ROBO1: variants seen among roughly 807,000 people sequenced by gnomAD.
ROBO1 encodes roundabout homolog 1.
A neutral mutation model predicts 195.9 loss-of-function variants in ROBO1; 149 were observed. The observed-to-expected ratio is 0.76, with a 90% CI of 0.67 to 0.87. The LOEUF is 0.87. Among genes scored for constraint, ROBO1 ranks in the 40% least tolerant of loss-of-function variants. ROBO1 has a pLI of 0.00. For synonymous variants in ROBO1, 816 were observed against 733.2 expected (o/e 1.11, Z -1.82); for missense variants, 1,933 against 2,068.3 (o/e 0.93, Z 1.27).
intron 2 of ROBO1, among the ~76,000 whole-genome samples, chr3:79,482,264 T>C (rs192025037): frequency 6.6e-6 from 1 of 152,272 alleles, no homozygotes; most frequent in East Asian, 1.9e-4. Flanking sequence ...ACTTAATATT[T>C]GTTTGGGAAT....
At chr3:79,597,787 T>C (rs1186818421) in intron 1 of ROBO1, among the ~76,000 whole-genome samples, 1 of 152,012 alleles carries the variant, frequency 6.6e-6, no homozygotes, top group Non-Finnish European at 1.5e-5. Context: ...GAGAATAAAA[T>C]ATATGAATAG....
At chr3:79,698,435 T>C (rs1947511165) in intron 1 of ROBO1, among the ~76,000 whole-genome samples, 1 of 151,436 alleles carries the variant, frequency 6.6e-6, no homozygotes, top group Admixed American at 6.6e-5. Flanking sequence ...GTAGACAGAT[T>C]CACCTCTTTT....
intron 2 of ROBO1, among the ~76,000 whole-genome samples, chr3:79,385,753 G>A (rs1405764880): frequency 1.3e-5 from 2 of 152,062 alleles, no homozygotes; most frequent in Non-Finnish European, 2.9e-5. Flanking sequence ...ACTCTCAGGG[G>A]AAAGAAAGTA....
At chr3:79,000,728 C>G (rs1431592558) in intron 3 of ROBO1, among the ~76,000 whole-genome samples, 1 of 152,136 alleles carries the variant, frequency 6.6e-6, no homozygotes, top group African/African-American at 2.4e-5. Flanking sequence ...CCTCAAGGAT[C>G]TAGAACCAGA....
chr3:79,133,845 T>G (rs2080341913), intron 2 of ROBO1, among the ~76,000 whole-genome samples: 2 of 148,244 alleles, frequency 1.3e-5, no homozygotes, highest in Admixed American at 1.4e-4. Context: ...ATGATGGTGA[T>G]GTACAGATGG....
At chr3:79,024,036 G>T (rs2078156700) in intron 3 of ROBO1, among the ~76,000 whole-genome samples, 1 of 152,034 alleles carries the variant, frequency 6.6e-6, no homozygotes, top group Non-Finnish European at 1.5e-5. Flanking sequence ...ACACAGCATT[G>T]TGAAGATACT....
intron 1 of ROBO1, among the ~76,000 whole-genome samples, chr3:79,742,592 C>T (rs185303249): frequency 5.3e-5 from 8 of 152,204 alleles, no homozygotes; most frequent in East Asian, 3.9e-4. Flanking sequence ...GTAAATTTCC[C>T]GAGGGTTCCC....
chr3:78,656,146 C>T (rs1196975184), intron 18 of ROBO1, among the ~76,000 whole-genome samples: 1 of 151,736 alleles, frequency 6.6e-6, no homozygotes, highest in African/African-American at 2.4e-5. Context: ...CATCTAACCA[C>T]GTTTGAGGCA....
At position 79,475,029 on chromosome 3, in the gene ROBO1, T is replaced by C. The variant is rs544829621; in HGVS notation, c.88+114795A>G. 8.5e-5 allele frequency among the ~76,000 whole-genome samples: 13 copies of C among 152,152 alleles called. No individual in the cohort carries two copies. The South Asian group carries it at 2.1e-3, about 24-fold the overall frequency. ...AAGGATACATCTTATATTTGACATC[T>C]GAAATTAATCATTTTAATATATCCT... On this transcript the variant is annotated intron_variant, in intron 2 of 30. Transcript: ENST00000464233.
At chr3:78,686,257 T>C (rs536216246) in intron 9 of ROBO1, among the ~76,000 whole-genome samples, 23 of 152,240 alleles carry the variant, frequency 1.5e-4, no homozygotes, top group Middle Eastern at 6.8e-3. Context: ...ATTAGATATA[T>C]AAGAATATTA....
At chr3:79,720,918 G>A (rs528874425) in intron 1 of ROBO1, among the ~76,000 whole-genome samples, 3 of 151,366 alleles carry the variant, frequency 2.0e-5, no homozygotes, top group Non-Finnish European at 1.5e-5. Flanking sequence ...TCAGCCTCCC[G>A]AGTAGCTGGG....
At chr3:79,118,461 C>T (rs1298493508) in intron 3 of ROBO1, among the ~76,000 whole-genome samples, 1 of 152,098 alleles carries the variant, frequency 6.6e-6, no homozygotes, top group African/African-American at 2.4e-5. Context: ...TTCATAAATT[C>T]TACCTTATGG....
At chr3:78,800,237 C>A (rs2084323568) in intron 4 of ROBO1, among the ~76,000 whole-genome samples, 1 of 152,060 alleles carries the variant, frequency 6.6e-6, no homozygotes, top group African/African-American at 2.4e-5. Flanking sequence ...ATTTAGAAAG[C>A]AGCCCAGAAA....
chr3:79,275,410 G>A (rs2030942261), intron 2 of ROBO1, among the ~76,000 whole-genome samples: 1 of 151,770 alleles, frequency 6.6e-6, no homozygotes, highest in Admixed American at 6.6e-5. Flanking sequence ...TGCTGAAAAA[G>A]CATTTGATAC....
chr3:79,038,953 C>T (rs1221971575), intron 3 of ROBO1, among the ~76,000 whole-genome samples: 1 of 152,138 alleles, frequency 6.6e-6, no homozygotes, highest in South Asian at 2.1e-4. Context: ...CACATAGAGG[C>T]TGCTCCTTTC....
chr3:79,389,867 A>C (rs1336557426), intron 2 of ROBO1, among the ~76,000 whole-genome samples: 1 of 152,140 alleles, frequency 6.6e-6, no homozygotes, highest in Non-Finnish European at 1.5e-5. Flanking sequence ...CATCTGAGTG[A>C]AACAAGATGC....
At chr3:78,960,614 A>G (rs978874283) in intron 3 of ROBO1, among the ~76,000 whole-genome samples, 1 of 151,892 alleles carries the variant, frequency 6.6e-6, no homozygotes, top group Non-Finnish European at 1.5e-5. Context: ...TCCCATCGCT[A>G]CTAAAAATAC....
At chr3:78,746,241 T>A (rs2082653653) in intron 5 of ROBO1, among the ~76,000 whole-genome samples, 1 of 152,156 alleles carries the variant, frequency 6.6e-6, no homozygotes, top group Admixed American at 6.5e-5. Flanking sequence ...CATTTTATAT[T>A]GAGATAAATT....
At chr3:79,332,642 C>T (rs530040559) in intron 2 of ROBO1, among the ~76,000 whole-genome samples, 1 of 152,228 alleles carries the variant, frequency 6.6e-6, no homozygotes, top group African/African-American at 2.4e-5. Context: ...GCAATGGGGA[C>T]AGCTACAACG....
Sources: gnomAD v4.1 joint callset for allele counts (sites outside exome capture counted in the v4.1 genomes callset) on GRCh38, gnomAD v4.1.1 for gene constraint, MANE v1.5 for transcripts, NCBI Gene and HGNC (gene_info 2026-07-23, HGNC 2026-07-21) for gene names.